TENM1: variants seen among roughly 807,000 people sequenced by gnomAD.
The protein encoded by TENM1 is teneurin transmembrane protein 1.
Under a neutral mutation model 174.8 loss-of-function variants are expected in TENM1, and 35 were observed. The observed-to-expected ratio is 0.20, with a 90% CI of 0.15 to 0.27. The LOEUF is 0.27. Ranked by LOEUF, TENM1 falls within the 10% of genes least tolerant of loss-of-function variation. TENM1 has a pLI of 1.00. For missense variants in TENM1, 1,633 were observed against 2,130.1 expected (o/e 0.77, Z 4.59); for synonymous variants, 781 against 798.7 (o/e 0.98, Z 0.37).
the TENM1 span, among the ~76,000 whole-genome samples, chrX:125,191,256 C>T: frequency 1.8e-5 from 2 of 111,984 alleles, no homozygotes; most frequent in Non-Finnish European, 3.8e-5. Flanking sequence ...AATATTTCAT[C>T]ATGTCCTTAT....
At chrX:124,995,255 A>C in the TENM1 span, among the ~76,000 whole-genome samples, 1 of 111,041 alleles carries the variant, frequency 9.0e-6, no homozygotes, top group African/African-American at 3.3e-5. Context: ...TACGTACCAC[A>C]GGTATAATAA....
chrX:124,954,926 T>A (rs1326749789), intron 1 of TENM1, among the ~76,000 whole-genome samples: 1 of 111,864 alleles, frequency 8.9e-6, no homozygotes, highest in Non-Finnish European at 1.9e-5. Context: ...TTTCAGCACA[T>A]AACCCTGTCT....
At chrX:124,965,067 T>TGA (rs2058707917), upstream of TENM1, among the ~76,000 whole-genome samples, 1 of 97,483 alleles carries the variant, frequency 1.0e-5, no homozygotes, top group Non-Finnish European at 1.9e-5. Context: ...TATTGATCAA[T>TGA]TTGATTGATT....
intron 1 of TENM1, among the ~76,000 whole-genome samples, chrX:124,938,163 C>T (rs1049169417): frequency 7.2e-5 from 8 of 111,342 alleles, no homozygotes; most frequent in Non-Finnish European, 1.5e-4. Context: ...GGACATGATG[C>T]CATTTCTGAA....
intron 23 of TENM1, among the ~76,000 whole-genome samples, chrX:124,435,184 G>T (rs1167413863): frequency 1.8e-5 from 2 of 111,569 alleles, no homozygotes; most frequent in Non-Finnish European, 1.9e-5. Flanking sequence ...GAGATCCAAG[G>T]CTTTGCTTGC....
At chrX:125,078,342 G>T in the TENM1 span, among the ~76,000 whole-genome samples, 2 of 111,662 alleles carry the variant, frequency 1.8e-5, no homozygotes, top group African/African-American at 6.5e-5. Context: ...AAGAAGTGCG[G>T]CAATGCAGTG....
chrX:124,605,647 A>G (rs1406528749), intron 11 of TENM1, among the ~76,000 whole-genome samples: 3 of 111,540 alleles, frequency 2.7e-5, no homozygotes, highest in Non-Finnish European at 5.7e-5. Flanking sequence ...GTAACCTAAC[A>G]ATGATGTTAA....
chrX:124,546,803 A>G, intron 15 of TENM1, 71 bp downstream of exon 18: 2 of 854,341 alleles, frequency 2.3e-6, no homozygotes, highest in East Asian at 3.1e-5. Context: ...TCCTTAGAAG[A>G]TATCTTCCTT....
chrX:124,559,653 A>G (rs1338652529), intron 14 of TENM1, among the ~76,000 whole-genome samples: 1 of 110,770 alleles, frequency 9.0e-6, no homozygotes, highest in Non-Finnish European at 1.9e-5. Context: ...GGGAGACAGA[A>G]CAAGACCCTG....
chrX:125,147,987 C>T, the TENM1 span, among the ~76,000 whole-genome samples: 1 of 111,364 alleles, frequency 9.0e-6, no homozygotes, highest in African/African-American at 3.3e-5. Flanking sequence ...GAACTCTCAA[C>T]TTCCCTTAAC....
At chrX:124,405,051 C>G in exon 27 of TENM1, 3 of 1,211,075 alleles carry the variant, frequency 2.5e-6, no homozygotes, top group Non-Finnish European at 3.4e-6. Flanking sequence ...CTTTCAAAAG[C>G]CGAAACATTG....
intron 21 of TENM1, among the ~76,000 whole-genome samples, chrX:124,483,338 A>G (rs749664887): frequency 1.8e-5 from 2 of 111,210 alleles, no homozygotes; most frequent in Non-Finnish European, 3.8e-5. Flanking sequence ...CGTTGTTTGC[A>G]TCTCCCTCTC....
the TENM1 span, among the ~76,000 whole-genome samples, chrX:125,077,783 T>A: frequency 2.7e-5 from 3 of 111,574 alleles, no homozygotes; most frequent in African/African-American, 9.8e-5. Flanking sequence ...TCTAAGACTA[T>A]AAATCAACTG....
upstream of TENM1, among the ~76,000 whole-genome samples, chrX:124,964,942 C>CA (rs762738976): frequency 8.9e-6 from 1 of 112,302 alleles, no homozygotes; most frequent in South Asian, 3.7e-4. Flanking sequence ...GCTCCTCTAT[C>CA]ATGTACACTA....
At chrX:124,540,351 T>C (rs1021877550) in intron 15 of TENM1, among the ~76,000 whole-genome samples, 1 of 112,157 alleles carries the variant, frequency 8.9e-6, no homozygotes, top group Admixed American at 9.5e-5. Flanking sequence ...ATCTCTTCTA[T>C]CTCTTTCTGA....
rs144877154 is a variant in TENM1 at position 124,620,881 on chromosome X, G to C, written c.2077+20910C>G. Among the ~76,000 whole-genome samples, 1,067 of 112,003 alleles carry C rather than the reference G, an allele frequency of 9.5e-3. 10 individuals carry two copies. The highest frequency in any genetic ancestry group is 0.032 in the African/African-American group (998 of 30,840). On this transcript the variant is annotated intron_variant, in intron 11 of 31. Transcript: ENST00000422452. ...ATGATTAAGGCCACAACCAAACAATGTACAAAATATCACCACTGTGTCACT... is the reference window on the plus strand; with the variant it reads ...ATGATTAAGGCCACAACCAAACAATCTACAAAATATCACCACTGTGTCACT...
At chrX:124,781,140 ATTTTTTGTT>A in intron 3 of TENM1, among the ~76,000 whole-genome samples, 1 of 111,845 alleles carries the variant, frequency 8.9e-6, no homozygotes, top group Non-Finnish European at 1.9e-5. Flanking sequence ...AGTAAGGGTT[ATTTTTTGTT>A]TGTCTCATTA....
intron 3 of TENM1, among the ~76,000 whole-genome samples, chrX:124,743,691 C>T (rs1026499344): frequency 1.8e-5 from 2 of 111,741 alleles, no homozygotes; most frequent in Non-Finnish European, 3.8e-5. Context: ...ATGGCCCTCT[C>T]ACTAAGCCAG....
the TENM1 span, among the ~76,000 whole-genome samples, chrX:125,101,594 G>A: frequency 9.0e-6 from 1 of 111,463 alleles, no homozygotes; most frequent in South Asian, 3.8e-4. Context: ...TATTGTATGA[G>A]TACTTGTGCT....
Sources: gnomAD v4.1 joint callset for allele counts (sites outside exome capture counted in the v4.1 genomes callset) on GRCh38, gnomAD v4.1.1 for gene constraint, MANE v1.5 for transcripts, NCBI Gene and HGNC (gene_info 2026-07-23, HGNC 2026-07-21) for gene names.